MED12L: variants seen among roughly 807,000 people sequenced by gnomAD.
The protein encoded by MED12L is mediator complex subunit 12L, also known as mediator of RNA polymerase II transcription subunit 12-like protein.
MED12L carries 60 observed loss-of-function variants against 281.3 expected under a neutral mutation model. The ratio of observed to expected loss-of-function variants is 0.21; its 90% CI spans 0.17 to 0.26. The LOEUF (loss-of-function observed/expected upper bound fraction) is 0.26, where lower values mean the gene tolerates loss of function less well. Among genes scored for constraint, MED12L ranks in the 10% least tolerant of loss-of-function variants. The pLI is 1.00. For synonymous variants in MED12L, 974 were observed against 987.2 expected (o/e 0.99, Z 0.25); for missense variants, 2,146 against 2,680.9 (o/e 0.80, Z 4.41).
rs754641020 is a variant in MED12L, at chr3:151,380,188, A to G, written c.4554A>G (p.Glu1518=). Residue 1518 remains glutamate, a synonymous_variant, in exon 32 of 45, where the codon GAA becomes GAG. Transcript: ENST00000687756. ...TTAAGGGACAAGATGAACAAAGGGA[A>G]GGCCTCCTAACATCTCTCCAGAATC... The part of the protein sequence containing the change: ...TCLKGQDEQR[E]GLLTSLQNQV... 6.2e-7 allele frequency: 1 copy of G among 1,610,230 alleles called. No homozygotes were observed. Among genetic ancestry groups the G allele is most frequent in the South Asian group, 1.1e-5 (1 of 90,602 alleles).
At chr3:151,334,257 TA>T (rs63180861) in intron 16 of MED12L, among the ~76,000 whole-genome samples, 5,013 of 138,294 alleles carry the variant, frequency 0.036, 152 homozygotes, top group Admixed American at 0.083. Context: ...TTGCCCCATT[TA>T]AAAAAAAAAG....
At chr3:151,362,036 C>T (rs1754671513) in intron 21 of MED12L, among the ~76,000 whole-genome samples, 1 of 151,848 alleles carries the variant, frequency 6.6e-6, no homozygotes, top group Non-Finnish European at 1.5e-5. Flanking sequence ...GTTCAACTAC[C>T]ATTTTTTTTC....
At chr3:151,137,173 A>AAAAAAAAACAAAAAAAAAAG (rs1560083562) in intron 5 of MED12L, among the ~76,000 whole-genome samples, 1 of 60,378 alleles carries the variant, frequency 1.7e-5, no homozygotes, top group African/African-American at 7.4e-5. Flanking sequence ...AAAAAAAAAG[A>AAAAAAAAACAAAAAAAAAAG]AAAAAAAAAA....
At chr3:151,203,297 CT>C (rs1725901009) in intron 16 of MED12L, 1 of 152,022 alleles carries the variant, frequency 6.6e-6, no homozygotes. Context: ...AGTAGTTTAA[CT>C]TTATGAAAGT....
chr3:151,362,395 C>T (rs1754720962), intron 21 of MED12L, among the ~76,000 whole-genome samples: 2 of 152,176 alleles, frequency 1.3e-5, no homozygotes, highest in South Asian at 2.1e-4. Flanking sequence ...GACCTCTTTA[C>T]TGATCAAACA....
intron 16 of MED12L, among the ~76,000 whole-genome samples, chr3:151,290,695 G>A (rs193288768): frequency 8.8e-4 from 133 of 150,894 alleles, no homozygotes; most frequent in Non-Finnish European, 1.5e-3. Flanking sequence ...TTCTCATCAA[G>A]CATTTCCATA....
At chr3:151,348,748 A>C (rs1010578387) in intron 16 of MED12L, among the ~76,000 whole-genome samples, 1 of 152,212 alleles carries the variant, frequency 6.6e-6, no homozygotes, top group African/African-American at 2.4e-5. Flanking sequence ...AGACAGACCG[A>C]CACAAAGACT....
chr3:151,174,063 A>G (rs1463166972), intron 11 of MED12L, among the ~76,000 whole-genome samples: 1 of 152,210 alleles, frequency 6.6e-6, no homozygotes, highest in Non-Finnish European at 1.5e-5. Context: ...AGATTTTGGA[A>G]TATTTGCATT....
chr3:151,350,284 CTA>C, intron 17 of MED12L, 78 bp downstream of exon 17: 1 of 1,411,740 alleles, frequency 7.1e-7, no homozygotes, highest in East Asian at 2.3e-5. Flanking sequence ...TCAAAGTGTT[CTA>C]TGTCACTGTC....
intron 7 of MED12L, 137 bp downstream of exon 7, chr3:151,158,936 A>G (rs1719638043): frequency 1.5e-6 from 1 of 659,940 alleles, no homozygotes; most frequent in Admixed American, 3.0e-5. Context: ...TGATGCTATA[A>G]CACATGAAGT....
At chr3:151,174,148 A>G (rs1167268291) in intron 11 of MED12L, among the ~76,000 whole-genome samples, 1 of 152,196 alleles carries the variant, frequency 6.6e-6, no homozygotes, top group Non-Finnish European at 1.5e-5. Flanking sequence ...TCCTTTGCGC[A>G]TCAGGTTGGT....
intron 11 of MED12L, among the ~76,000 whole-genome samples, chr3:151,172,216 C>T (rs575424348): frequency 6.6e-6 from 1 of 152,180 alleles, no homozygotes; most frequent in African/African-American, 2.4e-5. Flanking sequence ...TTGGACAATT[C>T]ACGTATTTTT....
At chr3:151,363,148 A>G (rs1345651122) in intron 21 of MED12L, among the ~76,000 whole-genome samples, 1 of 152,060 alleles carries the variant, frequency 6.6e-6, no homozygotes, top group East Asian at 1.9e-4. Flanking sequence ...TAGAGTAATT[A>G]CTCAGGGGTC....
rs59344289 is a variant in MED12L at position 151,193,082 on chromosome 3, TA to T, written c.2074-399del. Among the ~76,000 whole-genome samples, 716 of 151,902 alleles carry T rather than the reference TA, an allele frequency of 4.7e-3. 4 individuals carry two copies. The highest frequency in any genetic ancestry group is 0.015 in the African/African-American group (634 of 41,462). On this transcript the variant is annotated intron_variant, in intron 15 of 44. Coordinates refer to ENST00000687756, the MANE Select transcript of MED12L (RefSeq NM_001393769.1). ...TCTCATGAATCACAATATATAACTT[TA>T]AAAAAAAATTGTTTGGAGTACAGAC...
At chr3:151,234,979 A>C (rs1732443258) in intron 16 of MED12L, among the ~76,000 whole-genome samples, 1 of 152,184 alleles carries the variant, frequency 6.6e-6, no homozygotes, top group Admixed American at 6.5e-5. Context: ...TAACCACGTC[A>C]TGGACGTGGT....
chr3:151,223,664 C>G (rs887472362), intron 16 of MED12L, among the ~76,000 whole-genome samples: 1 of 152,134 alleles, frequency 6.6e-6, no homozygotes, highest in African/African-American at 2.4e-5. Context: ...AAGATGGGAA[C>G]AGTAGACACT....
In MED12L at chr3:151,270,047, TAAAG is replaced by T. The variant is rs1041777622; in HGVS notation, c.2250+76386_2250+76389del. On this transcript the variant is annotated intron_variant, in intron 16 of 44. Transcript: ENST00000687756. The stretch of plus-strand genomic sequence containing the variant: ...ATGAAGAAGGATGGGAAGATATTGA[TAAAG>T]AAAGGGGATAAGGATGAAGATGAAG... The T allele has an allele frequency of 1.1e-4, 25 of 222,716 alleles. No homozygotes were observed. The East Asian group carries it at 1.7e-3, about 15-fold the overall frequency. The allele number at this position is 222,716 out of a possible 1,614,324, so 13.8% of individuals were successfully genotyped here.
intron 16 of MED12L, among the ~76,000 whole-genome samples, chr3:151,346,750 G>A (rs1032856792): frequency 6.6e-6 from 1 of 151,962 alleles, no homozygotes. Flanking sequence ...TAATGTGAAG[G>A]TTTTGCACCC....
intron 32 of MED12L, 106 bp from the exon 33 acceptor site, chr3:151,382,550 T>C: frequency 1.7e-6 from 1 of 605,992 alleles, no homozygotes; most frequent in Non-Finnish European, 2.7e-6. Flanking sequence ...TGTTTGTTAA[T>C]TTGTTAAAGA....
Sources: gnomAD v4.1 joint callset for allele counts (sites outside exome capture counted in the v4.1 genomes callset) on GRCh38, gnomAD v4.1.1 for gene constraint, MANE v1.5 for transcripts, NCBI Gene and HGNC (gene_info 2026-07-23, HGNC 2026-07-21) for gene names.